The following SGCD variants were observed in gnomAD, a reference collection of about 807,000 sequenced individuals.
The protein encoded by SGCD is delta-sarcoglycan.
SGCD carries 18 observed loss-of-function variants against 36.6 expected under a neutral mutation model. That is an observed-to-expected ratio of 0.49 (90% CI 0.34 to 0.73). The LOEUF is 0.73. Among genes scored for constraint, SGCD ranks in the 30% least tolerant of loss-of-function variants. SGCD has a pLI of 0.01. For synonymous variants in SGCD, 133 were observed against 130.6 expected, an observed-to-expected ratio of 1.02 and a Z score of -0.12; for missense variants, 387 against 346.7, an observed-to-expected ratio of 1.12 and a Z score of -0.92.
intron 3 of SGCD, among the ~76,000 whole-genome samples, chr5:156,377,246 G>C (rs1326622745): frequency 6.6e-6 from 1 of 152,124 alleles, no homozygotes; most frequent in Non-Finnish European, 1.5e-5. Flanking sequence ...CTAGAATGTG[G>C]TTTTAAATTT....
chr5:156,660,450 T>A (rs865963657), intron 7 of SGCD, among the ~76,000 whole-genome samples: 7 of 152,404 alleles, frequency 4.6e-5, no homozygotes, highest in Middle Eastern at 3.4e-3. Context: ...GAACTTCAAA[T>A]GTCTAGTGGG....
chr5:156,572,002 G>C (rs1248238297), intron 4 of SGCD, among the ~76,000 whole-genome samples: 1 of 152,178 alleles, frequency 6.6e-6, no homozygotes, highest in African/African-American at 2.4e-5. Flanking sequence ...GTATCATATA[G>C]TATGTGGCTT....
rs1205810694 is a variant in SGCD, at chr5:156,229,239, C to CAT, written c.-43-100283_-43-100282dup. Among the ~76,000 whole-genome samples the CAT allele has an allele frequency of 1.2e-3, 121 of 103,826 alleles. 2 individuals are homozygous for CAT. The highest frequency in any genetic ancestry group is 3.6e-3 in the Admixed American group (31 of 8,614). 68.1% of individuals were successfully genotyped at this position (103,826 alleles called of 152,430 possible). A position where few individuals can be genotyped will look rare whatever the true frequency, so the allele number is the denominator to read the frequency against. The stretch of plus-strand genomic sequence containing the variant: ...AATAAACTTTATATACATATACATA[C>CAT]ATATATATATATACATACATACATA... On this transcript the variant is annotated intron_variant, in intron 3 of 9. Transcript: ENST00000517913.
At chr5:156,491,117 C>T (rs1159077487) in intron 3 of SGCD, among the ~76,000 whole-genome samples, 1 of 151,618 alleles carries the variant, frequency 6.6e-6, no homozygotes, top group Non-Finnish European at 1.5e-5. Flanking sequence ...AATAAAATAC[C>T]CAGGAACAAA....
chr5:155,884,813 T>C lies in SGCD; in HGVS notation c.-282+14389T>C, dbSNP rs935177087. ...GGGAATAGTAATAGCATGTAACCTA[T>C]AAGAACTTGTGATAATTAAATGAAA... On this transcript the variant is annotated intron_variant, in intron 1 of 9. Transcript: ENST00000517913. 3.7e-5 allele frequency among the ~76,000 whole-genome samples: 2 copies of C among 53,706 alleles called. 1 individual carries two copies. The highest frequency in any genetic ancestry group is 3.6e-4 in the African/African-American group (2 of 5,590). The allele number at this position is 53,706 out of a possible 152,430, so 35.2% of individuals were successfully genotyped here. A position where few individuals can be genotyped will look rare whatever the true frequency, so the allele number is the denominator to read the frequency against.
intron 2 of SGCD, among the ~76,000 whole-genome samples, chr5:156,333,959 G>GT (rs1040590000): frequency 3.9e-4 from 59 of 149,872 alleles, no homozygotes; most frequent in South Asian, 1.1e-3. Context: ...GCTGACTTTG[G>GT]TTTTTTTTTA....
At chr5:156,446,555 T>G (rs940031003) in intron 3 of SGCD, among the ~76,000 whole-genome samples, 3 of 152,180 alleles carry the variant, frequency 2.0e-5, no homozygotes, top group African/African-American at 7.2e-5. Context: ...ATGTGTTTTG[T>G]GATTTCTCCC....
At chr5:156,258,630 A>C (rs1343179940) in intron 3 of SGCD, among the ~76,000 whole-genome samples, 6 of 152,182 alleles carry the variant, frequency 3.9e-5, no homozygotes, top group Admixed American at 3.3e-4. Flanking sequence ...ACACACAAAA[A>C]CAGGAGAGTG....
intron 3 of SGCD, among the ~76,000 whole-genome samples, chr5:156,503,210 A>G (rs1756530998): frequency 6.6e-6 from 1 of 152,104 alleles, no homozygotes; most frequent in Admixed American, 6.5e-5. Flanking sequence ...GGTACCTCCT[A>G]TGTTATAAAC....
intron 7 of SGCD, among the ~76,000 whole-genome samples, chr5:156,705,055 G>A (rs1383754002): frequency 1.3e-5 from 2 of 151,936 alleles, no homozygotes; most frequent in Non-Finnish European, 2.9e-5. Context: ...CTTCCTTGAA[G>A]GTCTGTAATT....
At chr5:155,908,790 C>T (rs969794772) in intron 1 of SGCD, among the ~76,000 whole-genome samples, 11 of 152,052 alleles carry the variant, frequency 7.2e-5, no homozygotes, top group African/African-American at 2.7e-4. Flanking sequence ...AGGACTATAA[C>T]AAATTAACTA....
intron 3 of SGCD, among the ~76,000 whole-genome samples, chr5:156,132,456 G>GTATTTTTTTTTTT (rs1561532851): frequency 2.7e-5 from 2 of 73,586 alleles, no homozygotes; most frequent in Non-Finnish European, 5.4e-5. Flanking sequence ...AACTTACCAA[G>GTATTTTTTTTTTT]TCTTTTTTTT....
At chr5:156,615,508 T>A (rs2113476990) in intron 6 of SGCD, among the ~76,000 whole-genome samples, 2 of 152,316 alleles carry the variant, frequency 1.3e-5, no homozygotes, top group South Asian at 4.1e-4. Flanking sequence ...CATGAGATGG[T>A]ACATCTAGGC....
At chr5:156,322,335 G>T (rs1415504749), upstream of SGCD, among the ~76,000 whole-genome samples, 1 of 152,026 alleles carries the variant, frequency 6.6e-6, no homozygotes, top group Non-Finnish European at 1.5e-5. Context: ...CCTGTACTTG[G>T]ATTTTTTTTT....
chr5:156,144,433 A>G (rs1762661843), intron 3 of SGCD, among the ~76,000 whole-genome samples: 1 of 152,110 alleles, frequency 6.6e-6, no homozygotes, highest in Non-Finnish European at 1.5e-5. Context: ...TGCCATTCTA[A>G]CTGGTGTGAG....
chr5:155,791,018 T>C, the SGCD span, among the ~76,000 whole-genome samples: 2 of 152,142 alleles, frequency 1.3e-5, no homozygotes, highest in African/African-American at 4.8e-5. Flanking sequence ...TAGTGTTTCT[T>C]TGGAAAACAA....
chr5:155,748,758 T>C, the SGCD span, among the ~76,000 whole-genome samples: 1 of 152,178 alleles, frequency 6.6e-6, no homozygotes, highest in African/African-American at 2.4e-5. Flanking sequence ...AAGAGGCACA[T>C]GTGACCATCC....
chr5:156,476,380 G>C (rs1412033466), intron 3 of SGCD, among the ~76,000 whole-genome samples: 1 of 152,172 alleles, frequency 6.6e-6, no homozygotes, highest in Non-Finnish European at 1.5e-5. Flanking sequence ...AGTGGAAGCA[G>C]AATTAATTTG....
chr5:156,229,277 C>CATATATATATATATATATGTATAT (rs1764943559), intron 3 of SGCD, among the ~76,000 whole-genome samples: 1 of 56,502 alleles, frequency 1.8e-5, no homozygotes, highest in Non-Finnish European at 3.3e-5. Flanking sequence ...TATATACATA[C>CATATATATATATATATATGTATAT]ATATATATAT....
Sources: allele counts gnomAD v4.1 joint callset (sites outside exome capture counted in the v4.1 genomes callset), GRCh38; gene constraint gnomAD v4.1.1; transcripts MANE v1.5; gene names NCBI Gene and HGNC (gene_info 2026-07-23, HGNC 2026-07-21).